The following MEI4 variants were observed in gnomAD, a reference collection of about 807,000 sequenced individuals.
The protein encoded by MEI4 is meiotic double-stranded break formation protein 4.
In MEI4, 27 loss-of-function variants were observed where a neutral mutation model predicts 31.4. The ratio of observed to expected loss-of-function variants is 0.86; its 90% CI spans 0.63 to 1.19. The LOEUF is 1.19. Ranked by LOEUF, MEI4 falls within the 50% of genes most tolerant of loss-of-function variation. The pLI is 0.00. For missense variants in MEI4, 329 were observed against 398.9 expected (o/e 0.82, Z 1.49); for synonymous variants, 122 against 145.4 (o/e 0.84, Z 1.16).
chr6:77,727,425 A>C (rs1766856138), intron 2 of MEI4, among the ~76,000 whole-genome samples: 2 of 152,208 alleles, frequency 1.3e-5, no homozygotes. Context: ...AGTTATTTGA[A>C]GATATATGTT....
At chr6:77,659,653 G>T (rs1424381139) in intron 1 of MEI4, among the ~76,000 whole-genome samples, 1 of 152,156 alleles carries the variant, frequency 6.6e-6, no homozygotes, top group Non-Finnish European at 1.5e-5. Flanking sequence ...AGGTAGCCAA[G>T]GATGGAGTGA....
chr6:77,678,863 A>G (rs1319137654), intron 1 of MEI4, among the ~76,000 whole-genome samples: 1 of 152,172 alleles, frequency 6.6e-6, no homozygotes, highest in Non-Finnish European at 1.5e-5. Context: ...GGTTGAAGAC[A>G]TTGATATTGA....
intron 2 of MEI4, among the ~76,000 whole-genome samples, chr6:77,736,057 A>G (rs973298324): frequency 1.1e-4 from 17 of 151,944 alleles, no homozygotes; most frequent in Admixed American, 2.6e-4. Context: ...AGGGACTTTT[A>G]AGTCTGCAGA....
chr6:77,650,723 C>A (rs1214588163), upstream of MEI4, among the ~76,000 whole-genome samples: 1 of 152,210 alleles, frequency 6.6e-6, no homozygotes, highest in Non-Finnish European at 1.5e-5. Flanking sequence ...TATGGAGCTC[C>A]GCACACGTTT....
intron 3 of MEI4, among the ~76,000 whole-genome samples, chr6:77,784,749 G>T (rs9343658): frequency 6.6e-6 from 1 of 151,940 alleles, no homozygotes. Context: ...TGACTTGCCC[G>T]GAGTTGGTTT....
At chr6:77,905,475 CTTTTTTTTTTTTTTTTTTTTTTTTTT>C (rs70974691) in intron 4 of MEI4, among the ~76,000 whole-genome samples, 3 of 93,340 alleles carry the variant, frequency 3.2e-5, no homozygotes, top group Non-Finnish European at 4.2e-5. Flanking sequence ...AAATTTTCAG[CTTTTTTTTTTTTTTTTTTTTTTTTTT>C]TTTTTTTTTT....
chr6:77,671,831 A>G (rs1768749380), intron 1 of MEI4, among the ~76,000 whole-genome samples: 5 of 152,188 alleles, frequency 3.3e-5, no homozygotes, highest in Admixed American at 3.3e-4. Flanking sequence ...GAGATTAGGT[A>G]TGCCCAGAGG....
In MEI4 at chr6:77,678,769, C is replaced by A. The variant is rs1768896065; in HGVS notation, c.-14-11889C>A. 2.6e-5 allele frequency among the ~76,000 whole-genome samples: 4 copies of A among 151,922 alleles called. No individual in the cohort carries two copies. The South Asian group carries it at 6.3e-4, about 24-fold the overall frequency. The stretch of plus-strand genomic sequence containing the variant: ...AGAGTCTCAGGTGGGTCCTACAGGA[C>A]ACAATCTGCAAGAAGGCGTTATCAA... On this transcript the variant is annotated intron_variant, in intron 1 of 4. Transcript: ENST00000684080.
rs1175608650 is a variant in MEI4, at chr6:77,925,375, T to C, written c.*2029T>C. 6.6e-6 allele frequency: 1 copy of C among 151,852 alleles called. No individual in the cohort carries two copies. Among genetic ancestry groups the C allele is most frequent in the East Asian group, 1.9e-4 (1 of 5,160 alleles). 9.4% of individuals were successfully genotyped at this position (151,852 alleles called of 1,614,324 possible). A position where few individuals can be genotyped will look rare whatever the true frequency, so the allele number is the denominator to read the frequency against. On this transcript the variant is annotated 3_prime_UTR_variant, in exon 5 of 5. Coordinates refer to ENST00000684080, the MANE Select transcript of MEI4 (RefSeq NM_001322247.2). The stretch of plus-strand genomic sequence containing the variant: ...AACTTCCACCAAGTATATGATACTT[T>C]AATTATCCTGGGTTTCAGTCTATAT...
chr6:77,841,333 A>ATATATATATATTTTTTTTTTTTTTTTT, intron 4 of MEI4, among the ~76,000 whole-genome samples: 1 of 27,748 alleles, frequency 3.6e-5, no homozygotes, highest in East Asian at 2.2e-3. Context: ...ATATATATAT[A>ATATATATATATTTTTTTTTTTTTTTTT]TTTTTTTTTT....
chr6:77,877,849 TTAAG>T (rs777040831), intron 4 of MEI4, among the ~76,000 whole-genome samples: 6 of 151,344 alleles, frequency 4.0e-5, no homozygotes, highest in Non-Finnish European at 8.8e-5. Flanking sequence ...AAAAAACAAT[TTAAG>T]TGAGAACAAA....
chr6:77,708,337 T>G (rs1046268259), intron 2 of MEI4, among the ~76,000 whole-genome samples: 31 of 152,212 alleles, frequency 2.0e-4, no homozygotes, highest in Non-Finnish European at 3.2e-4. Context: ...CTGTTGCCCC[T>G]TTGGGCTGAT....
At chr6:77,876,410 G>C (rs565858378) in intron 4 of MEI4, among the ~76,000 whole-genome samples, 1 of 152,206 alleles carries the variant, frequency 6.6e-6, no homozygotes, top group East Asian at 1.9e-4. Context: ...CTTGTGTCCT[G>C]TGTTCATTTA....
In MEI4 at chr6:77,708,920, T is replaced by TCTTTATAAATTATC. The variant is rs538739236; in HGVS notation, c.232+18020_232+18033dup. ...AAACATGAGCCAAATAAACTTATTT[T>TCTTTATAAATTATC]CTTTATAAATTATCCTGTTTTAGGA... On this transcript the variant is annotated intron_variant, in intron 2 of 4. Transcript: ENST00000684080. 3.9e-5 allele frequency among the ~76,000 whole-genome samples: 6 copies of TCTTTATAAATTATC among 152,308 alleles called. No individual in the cohort carries two copies. The South Asian group carries it at 1.0e-3, about 26-fold the overall frequency.
At chr6:77,731,789 T>C (rs1767001300) in intron 2 of MEI4, among the ~76,000 whole-genome samples, 1 of 152,040 alleles carries the variant, frequency 6.6e-6, no homozygotes, top group Admixed American at 6.5e-5. Context: ...TTAAACCATC[T>C]TGAATTAATT....
intron 3 of MEI4, among the ~76,000 whole-genome samples, chr6:77,818,835 A>G (rs955687939): frequency 2.6e-5 from 4 of 152,214 alleles, no homozygotes; most frequent in Non-Finnish European, 4.4e-5. Flanking sequence ...GGCTCAAACA[A>G]TCTTCAAGCC....
chr6:77,894,940 T>C (rs189370313), intron 4 of MEI4, among the ~76,000 whole-genome samples: 1 of 152,340 alleles, frequency 6.6e-6, no homozygotes, highest in African/African-American at 2.4e-5. Flanking sequence ...GAATATTTTC[T>C]GTTGATTTTA....
chr6:77,883,717 G>GATAGATATATATAT (rs1554172067), intron 4 of MEI4, among the ~76,000 whole-genome samples: 1,233 of 43,142 alleles, frequency 0.029, 17 homozygotes, highest in Non-Finnish European at 0.038. Context: ...TATTATGTAA[G>GATAGATATATATAT]ATATATATAT....
chr6:77,810,198 T>G (rs1199495220), intron 3 of MEI4, among the ~76,000 whole-genome samples: 1 of 152,172 alleles, frequency 6.6e-6, no homozygotes, highest in African/African-American at 2.4e-5. Flanking sequence ...AAGATAGTTT[T>G]AATGAGTGTT....
Sources: allele counts gnomAD v4.1 joint callset (sites outside exome capture counted in the v4.1 genomes callset), GRCh38; gene constraint gnomAD v4.1.1; transcripts MANE v1.5; gene names NCBI Gene and HGNC (gene_info 2026-07-23, HGNC 2026-07-21).